The following CSMD1 variants were observed in gnomAD, a reference collection of about 807,000 sequenced individuals.
The protein encoded by CSMD1 is CUB and Sushi multiple domains 1, also known as CUB and sushi domain-containing protein 1.
Under a neutral mutation model 417.5 loss-of-function variants are expected in CSMD1, and 213 were observed. The observed-to-expected ratio is 0.51, with a 90% CI of 0.46 to 0.57. CSMD1 has a LOEUF of 0.57. CSMD1 is among the 20% of genes least tolerant of loss of function. The pLI, the probability that CSMD1 is intolerant of heterozygous loss-of-function variation, is 0.00. For synonymous variants in CSMD1, 2,862 were observed against 1,736.8 expected (o/e 1.65, Z -16.11); for missense variants, 6,923 against 4,529.7 (o/e 1.53, Z -15.17).
intron 40 of CSMD1, among the ~76,000 whole-genome samples, chr8:3,147,645 C>T (rs1477279617): frequency 6.6e-6 from 1 of 152,134 alleles, no homozygotes; most frequent in Non-Finnish European, 1.5e-5. Context: ...AGTCATTTTC[C>T]TTGTTACTTA....
chr8:4,746,524 GT>G (rs1563278079), intron 1 of CSMD1, among the ~76,000 whole-genome samples: 1 of 152,186 alleles, frequency 6.6e-6, no homozygotes, highest in African/African-American at 2.4e-5. Context: ...TAAAAGGTCT[GT>G]TTTACATGAT....
chr8:4,127,330 G>A (rs758842406), intron 3 of CSMD1, among the ~76,000 whole-genome samples: 1 of 151,024 alleles, frequency 6.6e-6, no homozygotes, highest in Non-Finnish European at 1.5e-5. Flanking sequence ...TTTCTTTCTG[G>A]CAGTACAAGC....
At chr8:3,351,458 A>G (rs1808415345) in intron 21 of CSMD1, among the ~76,000 whole-genome samples, 1 of 151,978 alleles carries the variant, frequency 6.6e-6, no homozygotes, top group South Asian at 2.1e-4. Context: ...TAAAAATACA[A>G]AAATTAGCTA....
At chr8:3,506,410 G>C (rs1030233978) in intron 10 of CSMD1, among the ~76,000 whole-genome samples, 2 of 152,204 alleles carry the variant, frequency 1.3e-5, no homozygotes, top group Admixed American at 6.5e-5. Flanking sequence ...CACATGTGTA[G>C]AGAGGAGAAG....
chr8:4,510,177 T>C (rs1446550774), intron 2 of CSMD1, among the ~76,000 whole-genome samples: 1 of 151,884 alleles, frequency 6.6e-6, no homozygotes, highest in African/African-American at 2.4e-5. Context: ...GTGACTTTGC[T>C]CCTCATTCAC....
At chr8:4,556,569 G>A (rs1372974114) in intron 2 of CSMD1, among the ~76,000 whole-genome samples, 1 of 152,154 alleles carries the variant, frequency 6.6e-6, no homozygotes, top group African/African-American at 2.4e-5. Context: ...ATACCTACTT[G>A]TCTAAATAGC....
intron 12 of CSMD1, among the ~76,000 whole-genome samples, chr8:3,409,844 T>C (rs1371427262): frequency 6.6e-6 from 1 of 152,246 alleles, no homozygotes; most frequent in Admixed American, 6.5e-5. Context: ...TACACGTGGC[T>C]ACACAGATAC....
intron 3 of CSMD1, among the ~76,000 whole-genome samples, chr8:4,400,503 C>T (rs1804573072): frequency 6.6e-6 from 1 of 152,190 alleles, no homozygotes; most frequent in Non-Finnish European, 1.5e-5. Flanking sequence ...ATCACGAGTT[C>T]TAAAAAAGTC....
chr8:4,004,420 CTT>C (rs5889009), intron 4 of CSMD1, among the ~76,000 whole-genome samples: 2,454 of 139,356 alleles, frequency 0.018, 55 homozygotes, highest in African/African-American at 0.056. Context: ...TGCCATGAAT[CTT>C]TTTTTTTTTT....
chr8:3,886,000 T>C (rs917637252), intron 5 of CSMD1, among the ~76,000 whole-genome samples: 1 of 151,504 alleles, frequency 6.6e-6, no homozygotes, highest in Non-Finnish European at 1.5e-5. Context: ...TATATATGTG[T>C]ACATATATAT....
At chr8:3,732,234 G>A (rs1225096702) in intron 6 of CSMD1, among the ~76,000 whole-genome samples, 1 of 152,146 alleles carries the variant, frequency 6.6e-6, no homozygotes, top group African/African-American at 2.4e-5. Flanking sequence ...TTCGCCCGAG[G>A]CCACCCTGCA....
At chr8:4,416,856 A>G (rs1327458175) in intron 3 of CSMD1, among the ~76,000 whole-genome samples, 1 of 152,124 alleles carries the variant, frequency 6.6e-6, no homozygotes, top group Admixed American at 6.5e-5. Context: ...AAGAAGAAAC[A>G]TTACACAAAT....
chr8:3,439,122 C>CAAAAAAAAAAAAAAAAAAAAAAA (rs1158997352), intron 12 of CSMD1, among the ~76,000 whole-genome samples: 1 of 2,492 alleles, frequency 4.0e-4, no homozygotes, highest in African/African-American at 2.4e-3. Context: ...GACTCCATCT[C>CAAAAAAAAAAAAAAAAAAAAAAA]AAAAAAAAAA....
chr8:4,071,188 C>T (rs1799537186), intron 3 of CSMD1, among the ~76,000 whole-genome samples: 1 of 151,322 alleles, frequency 6.6e-6, no homozygotes, highest in South Asian at 2.1e-4. Flanking sequence ...CTCCCTTATT[C>T]TCCCTCTCTT....
chr8:4,269,162 T>C (rs1395630401), intron 3 of CSMD1, among the ~76,000 whole-genome samples: 1 of 152,166 alleles, frequency 6.6e-6, no homozygotes, highest in African/African-American at 2.4e-5. Flanking sequence ...GTTTAAACCA[T>C]GGTCCTGCCT....
At chr8:4,149,526 T>G (rs1344977192) in intron 3 of CSMD1, among the ~76,000 whole-genome samples, 1 of 152,198 alleles carries the variant, frequency 6.6e-6, no homozygotes, top group African/African-American at 2.4e-5. Context: ...GGAACTACCA[T>G]TTCAATACTA....
chr8:4,939,909 A>G (rs968839938), intron 1 of CSMD1, among the ~76,000 whole-genome samples: 14 of 152,196 alleles, frequency 9.2e-5, no homozygotes, highest in African/African-American at 3.1e-4. Context: ...TGTACCATAA[A>G]TATATATACA....
At chr8:3,430,628 G>A (rs555097603) in intron 12 of CSMD1, among the ~76,000 whole-genome samples, 1 of 152,100 alleles carries the variant, frequency 6.6e-6, no homozygotes. Context: ...CCAAAATGGT[G>A]AAACCACATC....
intron 1 of CSMD1, among the ~76,000 whole-genome samples, chr8:4,756,014 T>C (rs1292627359): frequency 6.6e-6 from 1 of 152,230 alleles, no homozygotes; most frequent in Non-Finnish European, 1.5e-5. Flanking sequence ...TATTAAGTCA[T>C]TTGCTAATTG....
Sources: gnomAD v4.1 joint callset for allele counts (sites outside exome capture counted in the v4.1 genomes callset) on GRCh38, gnomAD v4.1.1 for gene constraint, MANE v1.5 for transcripts, NCBI Gene and HGNC (gene_info 2026-07-23, HGNC 2026-07-21) for gene names.